Variants in SEC23IP observed in about 807,000 individuals in gnomAD.
SEC23IP encodes SEC23-interacting protein.
In SEC23IP, 70 loss-of-function variants were observed where a neutral mutation model predicts 113.4. That is an observed-to-expected ratio of 0.62 (90% CI 0.51 to 0.75). The LOEUF is 0.75. Ranked by LOEUF, SEC23IP falls within the 30% of genes least tolerant of loss-of-function variation. The pLI, the probability that SEC23IP is intolerant of heterozygous loss-of-function variation, is 0.00. For missense variants in SEC23IP, 1,160 were observed against 1,204.9 expected, an observed-to-expected ratio of 0.96 and a Z score of 0.55; for synonymous variants, 398 against 421.0, an observed-to-expected ratio of 0.95 and a Z score of 0.67.
intron 8 of SEC23IP, 121 bp downstream of exon 8, chr10:119,916,010 T>C: frequency 5.1e-6 from 4 of 786,724 alleles, no homozygotes; most frequent in Non-Finnish European, 7.2e-6. Flanking sequence ...TGTATACTTC[T>C]GACATATAAT....
intron 1 of SEC23IP, among the ~76,000 whole-genome samples, chr10:119,896,787 T>C (rs1299274551): frequency 6.6e-6 from 1 of 152,172 alleles, no homozygotes; most frequent in Non-Finnish European, 1.5e-5. Context: ...TTTTTTTTTT[T>C]TTCATTCTTT....
At chr10:119,919,883 G>A (rs1297186921) in intron 11 of SEC23IP, among the ~76,000 whole-genome samples, 1 of 152,028 alleles carries the variant, frequency 6.6e-6, no homozygotes, top group Non-Finnish European at 1.5e-5. Context: ...TAGACAGAGG[G>A]CTTACTTCAT....
Position 119,943,776 on chromosome 10 carries a change from T to A in SEC23IP, c.*3211T>A, listed in dbSNP as rs796471091. 9.8e-5 allele frequency: 15 copies of A among 152,316 alleles called. No homozygotes were observed. The highest frequency in any genetic ancestry group is 3.6e-4 in the African/African-American group (15 of 41,566). 9.4% of individuals were successfully genotyped at this position (152,316 alleles called of 1,614,324 possible). On this transcript the variant is annotated 3_prime_UTR_variant, in exon 19 of 19. Coordinates refer to ENST00000369075, the MANE Select transcript of SEC23IP (RefSeq NM_007190.4). The stretch of plus-strand genomic sequence containing the variant: ...GAAATGAGTTTCACATATTTCAATA[T>A]ATGAAATTTTATGATGACACATAAA...
intron 4 of SEC23IP, among the ~76,000 whole-genome samples, chr10:119,908,775 G>A (rs536914683): frequency 1.1e-4 from 17 of 152,222 alleles, no homozygotes; most frequent in African/African-American, 4.1e-4. Flanking sequence ...GTGATACTTT[G>A]TTAATGCAGC....
intron 8 of SEC23IP, 33 bp from the exon 9 acceptor site, chr10:119,917,803 G>A: frequency 1.3e-6 from 2 of 1,534,942 alleles, no homozygotes; most frequent in South Asian, 2.3e-5. Flanking sequence ...GGTAGATGCT[G>A]ACTGAATGTG....
intron 16 of SEC23IP, 151 bp from the exon 17 acceptor site, chr10:119,932,854 T>C: frequency 1.6e-6 from 1 of 631,868 alleles, no homozygotes; most frequent in South Asian, 2.3e-5. Context: ...CCTCTTCCCC[T>C]GGCTCTTTGG....
At chr10:119,903,262 G>C (rs1281507232) in intron 3 of SEC23IP, among the ~76,000 whole-genome samples, 1 of 152,162 alleles carries the variant, frequency 6.6e-6, no homozygotes, top group African/African-American at 2.4e-5. Context: ...ATATAATCCA[G>C]GTTTCAATTT....
In SEC23IP at chr10:119,942,998, C is replaced by G. The variant is rs991161176; in HGVS notation, c.*2433C>G. 1 of 152,136 alleles carries G rather than the reference C, an allele frequency of 6.6e-6. No individual in the cohort carries two copies. 9.4% of individuals were successfully genotyped at this position (152,136 alleles called of 1,614,324 possible). ...TGATCATGTATTTGAAATAGTAACT[C>G]ACAGCATTTGGTCTCATGATAAGAG... On this transcript the variant is annotated 3_prime_UTR_variant, in exon 19 of 19. Coordinates refer to ENST00000369075, the MANE Select transcript of SEC23IP (RefSeq NM_007190.4).
chr10:119,895,297 T>C (rs769617327), intron 1 of SEC23IP, among the ~76,000 whole-genome samples: 4 of 152,066 alleles, frequency 2.6e-5, no homozygotes, highest in Non-Finnish European at 5.9e-5. Flanking sequence ...GGCATGAGAA[T>C]CGCTTGAGGA....
chr10:119,934,326 G>T (rs987111576), intron 18 of SEC23IP, among the ~76,000 whole-genome samples: 1 of 152,210 alleles, frequency 6.6e-6, no homozygotes, highest in African/African-American at 2.4e-5. Context: ...TAGGGAAGCA[G>T]AAGCTTGTCC....
At chr10:119,925,938 C>A in intron 12 of SEC23IP, 98 bp from the exon 13 acceptor site, 2 of 972,510 alleles carry the variant, frequency 2.1e-6, no homozygotes, top group Non-Finnish European at 3.0e-6. Flanking sequence ...TAAGAAGTAG[C>A]TAATCATTCC....
intron 13 of SEC23IP, among the ~76,000 whole-genome samples, chr10:119,927,606 A>G (rs1014160268): frequency 6.6e-6 from 1 of 152,026 alleles, no homozygotes; most frequent in Non-Finnish European, 1.5e-5. Flanking sequence ...CTTTTTATGT[A>G]TCAGTCAGAT....
intron 6 of SEC23IP, 127 bp downstream of exon 6, chr10:119,912,291 C>T (rs1457800329): frequency 5.1e-6 from 5 of 981,130 alleles, no homozygotes; most frequent in Non-Finnish European, 7.5e-6. Context: ...CACCACCACT[C>T]CCAGCTAATA....
At chr10:119,913,573 C>T (rs1159425569) in intron 6 of SEC23IP, among the ~76,000 whole-genome samples, 5 of 151,654 alleles carry the variant, frequency 3.3e-5, no homozygotes, top group Non-Finnish European at 7.4e-5. Flanking sequence ...CTCACTGCAA[C>T]CTGCACCCGC....
At position 119,903,067 on chromosome 10, in the gene SEC23IP, A is replaced by G. The variant is rs370001216; in HGVS notation, c.907+58A>G. ...TTTTAGGAAGAGAAGGAATGAGATC[A>G]TTTATTCATGATCTATTTTCTGTGA... On this transcript the variant is annotated intron_variant, in intron 3 of 18. Coordinates refer to ENST00000369075, the MANE Select transcript of SEC23IP (RefSeq NM_007190.4). 1.8e-5 allele frequency: 25 copies of G among 1,355,614 alleles called. No individual in the cohort carries two copies. In the African/African-American group the frequency reaches 3.0e-4, roughly 16 times the overall value. The allele number at this position is 1,355,614 out of a possible 1,614,324, so 84.0% of individuals were successfully genotyped here. A position where few individuals can be genotyped will look rare whatever the true frequency, so the allele number is the denominator to read the frequency against.
At chr10:119,907,882 G>A (rs907586672) in intron 4 of SEC23IP, among the ~76,000 whole-genome samples, 3 of 152,208 alleles carry the variant, frequency 2.0e-5, no homozygotes, top group Non-Finnish European at 2.9e-5. Flanking sequence ...AACCTGGGAG[G>A]CGGAGGTTGC....
chr10:119,917,271 C>G (rs1855083142), intron 8 of SEC23IP, among the ~76,000 whole-genome samples: 2 of 152,150 alleles, frequency 1.3e-5, no homozygotes, highest in Non-Finnish European at 2.9e-5. Flanking sequence ...ACAATCTCGG[C>G]TCACTGCAAC....
chr10:119,902,919 T>A lies in SEC23IP; in HGVS notation c.817T>A (p.Trp273Arg). 1.9e-6 allele frequency: 3 copies of A among 1,614,246 alleles called. No homozygotes were observed. Among genetic ancestry groups the A allele is most frequent in the Non-Finnish European group, 2.5e-6 (3 of 1,180,038 alleles). The change falls in exon 3 of 19, where the codon TGG becomes AGG. Residue 273 changes from tryptophan (W) to arginine (R), a missense_variant. By Grantham distance (101) the Trp-to-Arg change is moderately radical. Coordinates refer to ENST00000369075, the MANE Select transcript of SEC23IP (RefSeq NM_007190.4). ...QNQYEPVQPH[W>R]FYCKEVEYKQ... ...CCAATATGAGCCTGTTCAGCCCCAC[T>A]GGTTTTACTGCAAGGAGGTAGAATA... is the stretch of plus-strand genomic sequence containing the variant.
At chr10:119,895,902 A>T in intron 1 of SEC23IP, among the ~76,000 whole-genome samples, 1 of 152,176 alleles carries the variant, frequency 6.6e-6, no homozygotes, top group East Asian at 1.9e-4. Flanking sequence ...TATGGGCCAC[A>T]TATGCCATAC....
Sources: gnomAD v4.1 joint callset for allele counts (sites outside exome capture counted in the v4.1 genomes callset) on GRCh38, gnomAD v4.1.1 for gene constraint, MANE v1.5 for transcripts, NCBI Gene and HGNC (gene_info 2026-07-23, HGNC 2026-07-21) for gene names.